The following ARHGAP23 variants were observed in gnomAD, a reference collection of about 807,000 sequenced individuals.
The protein encoded by ARHGAP23 is Rho GTPase activating protein 23.
ARHGAP23 carries 34 observed loss-of-function variants against 136.3 expected under a neutral mutation model. That is an observed-to-expected ratio of 0.25 (90% CI 0.19 to 0.33). The LOEUF is 0.33. Among genes scored for constraint, ARHGAP23 ranks in the 10% least tolerant of loss-of-function variants. The pLI is 1.00. For synonymous variants in ARHGAP23, 832 were observed against 920.5 expected (o/e 0.90, Z 1.74); for missense variants, 1,808 against 2,139.0 (o/e 0.85, Z 3.05).
chr17:38,496,877 C>T (rs2040403713), intron 20 of ARHGAP23, among the ~76,000 whole-genome samples: 1 of 151,642 alleles, frequency 6.6e-6, no homozygotes. Flanking sequence ...CACTTGAACA[C>T]AGGAGGCAGA....
chr17:38,479,835 A>C lies in ARHGAP23; in HGVS notation c.2581A>C (p.Ser861Arg). The change falls in exon 14 of 24, where the codon AGT becomes CGT. Residue 861 changes from serine to arginine, a missense_variant. Around this residue, in one of 7 missense-constraint regions of ARHGAP23, gnomAD observed 73 missense variants for 82.5 expected, o/e 0.88. Transcript: ENST00000622683. The stretch of plus-strand genomic sequence containing the variant: ...CCTCAAGTCTGAGTTCCTCAAGCAG[A>C]GTGCGGCACGTGGCCTCAGGACTCA... ...GGLKSEFLKQ[S>R]AARGLRTQDL... 1 of 1,512,464 alleles carries C rather than the reference A, an allele frequency of 6.6e-7. No individual in the cohort carries two copies. Among genetic ancestry groups the C allele is most frequent in the Non-Finnish European group, 8.9e-7 (1 of 1,125,686 alleles). 93.7% of individuals were successfully genotyped at this position (1,512,464 alleles called of 1,614,324 possible). A position where few individuals can be genotyped will look rare whatever the true frequency, so the allele number is the denominator to read the frequency against.
chr17:38,474,765 C>G (rs1597808780), intron 11 of ARHGAP23, among the ~76,000 whole-genome samples: 1 of 148,574 alleles, frequency 6.7e-6, no homozygotes, highest in Admixed American at 6.8e-5. Context: ...AGTGGGGGGG[C>G]CGGGGAGGCT....
At position 38,458,148 on chromosome 17, in the gene ARHGAP23, C is replaced by T. The variant is rs1597783775; in HGVS notation, c.110C>T (p.Pro37Leu). The change falls in exon 2 of 24, where the codon CCC (proline) becomes CTC (leucine). Residue 37 changes from proline to leucine, a missense_variant. Physicochemically the swap from Pro to Leu is moderately conservative, Grantham distance 98 (BLOSUM62 -3). This residue lies in a region of ARHGAP23 where 859 missense variants were observed against 936.4 expected (regional missense o/e 0.92). Transcript: ENST00000622683. ...RDGCSPRRPF[P>L]WQGPRTLLLY... The stretch of plus-strand genomic sequence containing the variant: ...GGGTGCTCTCCTAGGCGCCCCTTCC[C>T]CTGGCAGGGGCCGAGGACGCTGCTG... 3 of 1,536,156 alleles carry T rather than the reference C, an allele frequency of 2.0e-6. 1 individual carries two copies. In the South Asian group the frequency reaches 3.6e-5, roughly 18 times the overall value.
chr17:38,431,585 A>G (rs1047553252), intron 1 of ARHGAP23, among the ~76,000 whole-genome samples: 2 of 152,150 alleles, frequency 1.3e-5, no homozygotes, highest in Non-Finnish European at 2.9e-5. Context: ...GGCAGTACCA[A>G]TCTGTGCCAG....
intron 20 of ARHGAP23, among the ~76,000 whole-genome samples, chr17:38,492,937 A>G (rs1001450371): frequency 3.2e-4 from 49 of 152,182 alleles, no homozygotes; most frequent in Non-Finnish European, 2.9e-5. Context: ...GCTCCTGGAG[A>G]AGTCCCTGGA....
At chr17:38,481,318 T>A (rs1267127428) in intron 14 of ARHGAP23, among the ~76,000 whole-genome samples, 2 of 152,192 alleles carry the variant, frequency 1.3e-5, no homozygotes, top group East Asian at 3.9e-4. Context: ...GGCTAATTTT[T>A]TTGTATTTTT....
chr17:38,493,622 T>A (rs1463755526), intron 20 of ARHGAP23, among the ~76,000 whole-genome samples: 9 of 152,210 alleles, frequency 5.9e-5, no homozygotes, highest in African/African-American at 9.7e-5. Flanking sequence ...CCACCCACTC[T>A]GCAAGCCCTG....
intron 1 of ARHGAP23, among the ~76,000 whole-genome samples, chr17:38,422,512 T>TA (rs1169262593): frequency 6.6e-6 from 1 of 152,154 alleles, no homozygotes; most frequent in East Asian, 1.9e-4. Flanking sequence ...GTAGTTTCCC[T>TA]AAAGATGGCC....
intron 1 of ARHGAP23, among the ~76,000 whole-genome samples, chr17:38,438,321 CAAAAAAAAA>C (rs34412310): frequency 0.33 from 38,681 of 116,096 alleles, 5,325 homozygotes; most frequent in East Asian, 0.49. Context: ...GACTCCGTCT[CAAAAAAAAA>C]AAAAAAAAAA....
At chr17:38,467,479 T>A (rs900802703) in intron 7 of ARHGAP23, 148 bp downstream of exon 7, 5 of 685,530 alleles carry the variant, frequency 7.3e-6, no homozygotes, top group African/African-American at 1.8e-5. Context: ...ATTCATCTGT[T>A]CATCCATCCA....
Position 38,510,325 on chromosome 17 carries a change from G to A in ARHGAP23, c.3829G>A (p.Asp1277Asn). The A allele has an allele frequency of 3.2e-6, 4 of 1,260,760 alleles. No individual in the cohort carries two copies. Among genetic ancestry groups the A allele is most frequent in the Non-Finnish European group, 4.0e-6 (4 of 1,003,690 alleles). The allele number at this position is 1,260,760 out of a possible 1,614,324, so 78.1% of individuals were successfully genotyped here. A position where few individuals can be genotyped will look rare whatever the true frequency, so the allele number is the denominator to read the frequency against. ...RRAGAGDEADDERSELSHVET... is the reference protein window; with the variant it reads ...RRAGAGDEADNERSELSHVET... ...GGCAGGGGCGGGGGATGAGGCGGAC[G>A]ACGAGCGTAGCGAGCTGAGCCACGT... The change falls in exon 24 of 24, where the codon GAC (aspartate) becomes AAC (asparagine). Residue 1277 changes from aspartate (D) to asparagine (N), a missense_variant. By Grantham distance (23) the Asp-to-Asn change is conservative. Transcript: ENST00000622683. The surrounding 1 kb of genome is among the most constrained non-coding windows in gnomAD (Gnocchi z 4.6).
intron 16 of ARHGAP23, 37 bp downstream of exon 16, chr17:38,482,715 A>T: frequency 6.5e-7 from 1 of 1,526,768 alleles, no homozygotes; most frequent in Non-Finnish European, 8.9e-7. Context: ...AGAGGGGCTG[A>T]GATGGTGTGT....
At chr17:38,478,611 G>A (rs1767285814) in intron 12 of ARHGAP23, among the ~76,000 whole-genome samples, 1 of 151,952 alleles carries the variant, frequency 6.6e-6, no homozygotes, top group South Asian at 2.1e-4. Context: ...GGGTTTCACT[G>A]TGTTAGCCAG....
upstream of ARHGAP23, among the ~76,000 whole-genome samples, chr17:38,426,550 CAA>C (rs751365956): frequency 7.1e-3 from 363 of 51,228 alleles, 11 homozygotes; most frequent in African/African-American, 0.025. Context: ...AACTCCATCT[CAA>C]AAAAAAAAAA....
At chr17:38,428,923 C>T (rs1003297217) in intron 1 of ARHGAP23, among the ~76,000 whole-genome samples, 1 of 148,108 alleles carries the variant, frequency 6.8e-6, no homozygotes, top group Non-Finnish European at 1.5e-5. Flanking sequence ...TTCCTCTGCC[C>T]GAGTTTTCGT....
At chr17:38,445,427 A>G (rs1476946344) in intron 1 of ARHGAP23, among the ~76,000 whole-genome samples, 2 of 151,758 alleles carry the variant, frequency 1.3e-5, no homozygotes, top group African/African-American at 4.8e-5. Flanking sequence ...CAGTGAGCTG[A>G]GAGCACGCCA....
intron 1 of ARHGAP23, among the ~76,000 whole-genome samples, chr17:38,456,609 T>C (rs981779245): frequency 1.3e-5 from 2 of 152,134 alleles, no homozygotes; most frequent in Admixed American, 6.5e-5. Flanking sequence ...CATGATGTTA[T>C]GGATTTAAGA....
intron 1 of ARHGAP23, among the ~76,000 whole-genome samples, chr17:38,429,252 G>A (rs1340454403): frequency 6.6e-6 from 1 of 152,240 alleles, no homozygotes; most frequent in African/African-American, 2.4e-5. Context: ...GCTCTGCCTG[G>A]GTTCTTTCAT....
intron 2 of ARHGAP23, among the ~76,000 whole-genome samples, chr17:38,460,471 A>T (rs1020576815): frequency 5.5e-4 from 84 of 151,958 alleles, no homozygotes; most frequent in African/African-American, 1.8e-3. Flanking sequence ...CGCCACCCTC[A>T]GATGTCTTTT....
Sources: allele counts gnomAD v4.1 joint callset (sites outside exome capture counted in the v4.1 genomes callset), GRCh38; gene constraint gnomAD v4.1.1; regional missense constraint gnomAD v4.1.1; non-coding constraint Gnocchi (gnomAD v3.1); transcripts MANE v1.5; gene names NCBI Gene and HGNC (gene_info 2026-07-23, HGNC 2026-07-21).